Variants in ANKRD12 observed in about 807,000 individuals in gnomAD.
ANKRD12 encodes ankyrin repeat domain-containing protein 12.
ANKRD12 carries 85 observed loss-of-function variants against 183.4 expected under a neutral mutation model. The observed-to-expected ratio is 0.46, with a 90% confidence interval of 0.39 to 0.56. The LOEUF is 0.56. Ranked by LOEUF, ANKRD12 falls within the 20% of genes least tolerant of loss-of-function variation. ANKRD12 has a pLI of 0.00. For missense variants in ANKRD12, 2,405 were observed against 2,357.1 expected (o/e 1.02, Z -0.42); for synonymous variants, 914 against 800.2 (o/e 1.14, Z -2.40).
chr18:9,193,398 T>C (rs1167896618), intron 2 of ANKRD12, among the ~76,000 whole-genome samples: 3 of 151,996 alleles, frequency 2.0e-5, no homozygotes, highest in Non-Finnish European at 4.4e-5. Flanking sequence ...CACCCACCTC[T>C]GCCTCCCAAA....
intron 7 of ANKRD12, among the ~76,000 whole-genome samples, chr18:9,218,041 A>C (rs2036208987): frequency 6.6e-6 from 1 of 152,188 alleles, no homozygotes; most frequent in Non-Finnish European, 1.5e-5. Flanking sequence ...TTGATATTTT[A>C]AATAGTGCCC....
chr18:9,145,227 ATCC>A (rs2078453717), intron 1 of ANKRD12, among the ~76,000 whole-genome samples: 1 of 152,164 alleles, frequency 6.6e-6, no homozygotes, highest in African/African-American at 2.4e-5. Flanking sequence ...GGCTCAAGGA[ATCC>A]TCCTGTCCCA....
rs1224286151 is a variant in ANKRD12, at chr18:9,258,752, A to G, written c.5485A>G (p.Ser1829Gly). ...AAAACTAGATGAGATTCAGCCATAC[A>G]GTTCAGAGAGAGCAAATCCATATTT... is the stretch of plus-strand genomic sequence containing the variant. ...SLKLDEIQPY[S>G]SERANPYFEY... is the part of the protein sequence containing the mutation. The change falls in exon 9 of 13, where the codon AGT becomes GGT. Residue 1829 changes from serine to glycine, a missense_variant. Around this residue, in one of 7 missense-constraint regions of ANKRD12, gnomAD observed 1,983 missense variants for 1,725.9 expected, o/e 1.15. Transcript: ENST00000262126. 6.2e-7 allele frequency: 1 copy of G among 1,613,894 alleles called. No homozygotes were observed. The highest frequency in any genetic ancestry group is 8.5e-7 in the Non-Finnish European group (1 of 1,179,884).
chr18:9,151,865 GTTAC>G (rs1004915859), intron 1 of ANKRD12, among the ~76,000 whole-genome samples: 108 of 152,212 alleles, frequency 7.1e-4, no homozygotes, highest in African/African-American at 2.3e-3. Flanking sequence ...TATAATTTTA[GTTAC>G]TTCTCATAGC....
intron 1 of ANKRD12, among the ~76,000 whole-genome samples, chr18:9,139,207 A>G (rs1192559022): frequency 1.3e-5 from 2 of 152,086 alleles, no homozygotes; most frequent in Non-Finnish European, 1.5e-5. Flanking sequence ...TACATTGTGC[A>G]GACTTACACT....
Position 9,221,967 on chromosome 18 carries a change from T to A in ANKRD12, c.911T>A (p.Val304Glu). 1 of 1,613,900 alleles carries A rather than the reference T, an allele frequency of 6.2e-7. No homozygotes were observed. The highest frequency in any genetic ancestry group is 8.5e-7 in the Non-Finnish European group (1 of 1,179,884). The part of the protein sequence containing the change: ...EELELLLKRE[V>E]PLSDDDESYT... ...TTGGAGTTGCTACTAAAAAGAGAGG[T>A]GCCTTTATCTGATGATGATGAAAGT... The change falls in exon 8 of 13, where the codon GTG (valine) becomes GAG (glutamate). Residue 304 changes from valine to glutamate, a missense_variant. Val to Glu is a moderately radical substitution (Grantham distance 121). Around this residue, in one of 7 missense-constraint regions of ANKRD12, gnomAD observed 1,983 missense variants for 1,725.9 expected, o/e 1.15. Transcript: ENST00000262126.
intron 3 of ANKRD12, among the ~76,000 whole-genome samples, chr18:9,198,695 G>T (rs973405429): frequency 6.6e-6 from 1 of 151,930 alleles, no homozygotes; most frequent in Non-Finnish European, 1.5e-5. Flanking sequence ...GATTACAGGC[G>T]CCTGCCACGA....
chr18:9,280,634 C>A (rs199996371), intron 12 of ANKRD12, among the ~76,000 whole-genome samples: 1 of 152,040 alleles, frequency 6.6e-6, no homozygotes, highest in South Asian at 2.1e-4. Flanking sequence ...AAGAAAAATA[C>A]AAAAATTAGC....
chr18:9,250,318 AGATAT>A (rs1300300281), intron 8 of ANKRD12: 1 of 152,122 alleles, frequency 6.6e-6, no homozygotes, highest in Non-Finnish European at 1.5e-5. Flanking sequence ...AGGTGAGAAG[AGATAT>A]GATAGATAGT....
At position 9,160,577 on chromosome 18, in the gene ANKRD12, T is replaced by C. The variant is rs142575317; in HGVS notation, c.-51-21805T>C. Among the ~76,000 whole-genome samples, 9 of 152,356 alleles carry C rather than the reference T, an allele frequency of 5.9e-5. No individual in the cohort carries two copies. The East Asian group carries it at 1.4e-3, about 23-fold the overall frequency. On this transcript the variant is annotated intron_variant, in intron 1 of 12. Transcript: ENST00000262126. The stretch of plus-strand genomic sequence containing the variant: ...TTCCCAGTCCCCTGGCAAGCACTGA[T>C]GGAGCTTTCTAAAAAGTGTTTTTTT...
intron 1 of ANKRD12, among the ~76,000 whole-genome samples, chr18:9,158,000 T>C (rs1161252533): frequency 6.6e-6 from 1 of 152,158 alleles, no homozygotes; most frequent in Non-Finnish European, 1.5e-5. Flanking sequence ...ATAAAGGCTG[T>C]GAGTGACACA....
chr18:9,258,713 A>G lies in ANKRD12; in HGVS notation c.5446A>G (p.Ile1816Val). 2 of 1,613,920 alleles carry G rather than the reference A, an allele frequency of 1.2e-6. No individual in the cohort carries two copies. Among genetic ancestry groups the G allele is most frequent in the African/African-American group, 2.7e-5 (2 of 75,048 alleles). The change falls in exon 9 of 13, where the codon ATT becomes GTT. Residue 1816 changes from isoleucine to valine, a missense_variant. By Grantham distance (29) the Ile-to-Val change is conservative. Around this residue, in one of 7 missense-constraint regions of ANKRD12, gnomAD observed 1,983 missense variants for 1,725.9 expected, o/e 1.15. Transcript: ENST00000262126. ...GAAAACTCAGCAATCTCTGGCAGCC[A>G]TTGTAGATTCTCTAAAACTAGATGA... is the stretch of plus-strand genomic sequence containing the variant. ...KEKTQQSLAAIVDSLKLDEIQ... is the reference protein window; with the variant it reads ...KEKTQQSLAAVVDSLKLDEIQ...
Position 9,257,104 on chromosome 18 carries a change from C to T in ANKRD12, c.3837C>T (p.Asn1279=). The change falls in exon 9 of 13, where the codon AAC becomes AAT. Residue 1279 remains asparagine, a synonymous_variant. Coordinates refer to ENST00000262126, the MANE Select transcript of ANKRD12 (RefSeq NM_015208.5). ...AGCGGATTAAACCACCATATGCAAA[C>T]AGACTTTCAACATCCCATCTTAGGT... ...LPERIKPPYA[N]RLSTSHLRSS... is the part of the protein sequence containing the mutation. The T allele has an allele frequency of 6.2e-7, 1 of 1,614,156 alleles. No homozygotes were observed.
intron 10 of ANKRD12, among the ~76,000 whole-genome samples, chr18:9,264,294 C>T (rs189962908): frequency 3.3e-5 from 5 of 152,232 alleles, no homozygotes; most frequent in Admixed American, 3.3e-4. Flanking sequence ...TATGTGCCTT[C>T]CAATGGTTAG....
intron 2 of ANKRD12, among the ~76,000 whole-genome samples, chr18:9,190,908 G>T (rs181047552): frequency 3.4e-4 from 52 of 152,252 alleles, no homozygotes; most frequent in African/African-American, 1.2e-3. Flanking sequence ...TTGCTTTATC[G>T]TGGTGGTCTG....
At chr18:9,266,383 A>T (rs1480581936) in intron 10 of ANKRD12, among the ~76,000 whole-genome samples, 1 of 152,242 alleles carries the variant, frequency 6.6e-6, no homozygotes, top group Non-Finnish European at 1.5e-5. Flanking sequence ...TGGGTTACCC[A>T]CAAAGGGAAG....
At chr18:9,243,699 C>T (rs1460145922) in intron 8 of ANKRD12, among the ~76,000 whole-genome samples, 1 of 152,082 alleles carries the variant, frequency 6.6e-6, no homozygotes, top group African/African-American at 2.4e-5. Context: ...CTAGACATTG[C>T]TGAAGATCTA....
chr18:9,257,558 A>C lies in ANKRD12; in HGVS notation c.4291A>C (p.Thr1431Pro). ...TGTTGATAGACTAGAGACATTAAGC[A>C]CCAGAGACTTTATCTGCCCAAATTC... Reference protein sequence around the residue: ...MPVDRLETLSTRDFICPNSNI... With the variant: ...MPVDRLETLSPRDFICPNSNI... Residue 1431 changes from threonine (T) to proline (P), a missense_variant, in exon 9 of 13, where the codon ACC becomes CCC. Coordinates refer to ENST00000262126, the MANE Select transcript of ANKRD12 (RefSeq NM_015208.5). The C allele has an allele frequency of 6.2e-7, 1 of 1,614,070 alleles. No individual in the cohort carries two copies.
At chr18:9,234,180 C>G (rs2037211869) in intron 8 of ANKRD12, among the ~76,000 whole-genome samples, 1 of 152,200 alleles carries the variant, frequency 6.6e-6, no homozygotes, top group African/African-American at 2.4e-5. Context: ...AGTAGGGGCA[C>G]AGTCACCACT....
Sources: allele counts gnomAD v4.1 joint callset (sites outside exome capture counted in the v4.1 genomes callset), GRCh38; gene constraint gnomAD v4.1.1; regional missense constraint gnomAD v4.1.1; transcripts MANE v1.5; gene names NCBI Gene and HGNC (gene_info 2026-07-23, HGNC 2026-07-21).